Variants in CGNL1 observed in about 807,000 individuals in gnomAD.
The protein encoded by CGNL1 is cingulin-like protein 1.
In CGNL1, 132 loss-of-function variants were observed where a neutral mutation model predicts 141.2. The ratio of observed to expected loss-of-function variants is 0.93; its 90% CI spans 0.81 to 1.08. The LOEUF (loss-of-function observed/expected upper bound fraction) is 1.08. Ranked by LOEUF, CGNL1 falls within the 50% of genes least tolerant of loss-of-function variation. CGNL1 has a pLI of 0.00. For synonymous variants in CGNL1, 690 were observed against 622.1 expected, an observed-to-expected ratio of 1.11 and a Z score of -1.63; for missense variants, 1,870 against 1,588.6, an observed-to-expected ratio of 1.18 and a Z score of -3.01.
intron 6 of CGNL1, among the ~76,000 whole-genome samples, 178 bp downstream of exon 6, chr15:57,452,467 A>G (rs1018267): frequency 0.014 from 2,075 of 152,326 alleles, 63 homozygotes; most frequent in African/African-American, 0.047. Flanking sequence ...GTAGACTGAT[A>G]AACAAAAAGG....
intron 1 of CGNL1, among the ~76,000 whole-genome samples, chr15:57,428,416 G>C (rs2063004253): frequency 6.6e-6 from 1 of 152,244 alleles, no homozygotes; most frequent in South Asian, 2.1e-4. Flanking sequence ...AAGAGGTGCT[G>C]TGAGGATCTC....
intron 1 of CGNL1, among the ~76,000 whole-genome samples, chr15:57,423,555 G>A (rs1409431367): frequency 6.6e-6 from 1 of 152,138 alleles, no homozygotes; most frequent in African/African-American, 2.4e-5. Context: ...TGACATCAAA[G>A]TTCTTGCTAA....
intron 9 of CGNL1, among the ~76,000 whole-genome samples, chr15:57,517,627 C>T (rs547537307): frequency 3.3e-5 from 5 of 152,306 alleles, no homozygotes; most frequent in South Asian, 2.1e-4. Flanking sequence ...CAGCCTCTAG[C>T]GAGGGCCGTC....
chr15:57,511,916 G>C (rs1313289134), intron 8 of CGNL1, among the ~76,000 whole-genome samples: 1 of 152,210 alleles, frequency 6.6e-6, no homozygotes, highest in African/African-American at 2.4e-5. Flanking sequence ...AAAACTGTGT[G>C]CTTTTTGGTT....
rs567870493 is a variant in CGNL1 at position 57,491,409 on chromosome 15, A to G, written c.2404-25371A>G. Among the ~76,000 whole-genome samples the G allele has an allele frequency of 3.3e-5, 5 of 152,296 alleles. No homozygotes were observed. In the South Asian group the frequency reaches 1.0e-3, roughly 32 times the overall value. ...CTGCTTTCTCCGTGGCACCAGTTGC[A>G]TCTCTGTTCTGCCACTGGCACTGCA... On this transcript the variant is annotated intron_variant, in intron 8 of 18. Transcript: ENST00000281282.
rs756905690 is a variant in CGNL1 at position 57,393,921 on chromosome 15, T to G, written c.-16+17354T>G. On this transcript the variant is annotated intron_variant, in intron 1 of 18. Coordinates refer to ENST00000281282, the MANE Select transcript of CGNL1 (RefSeq NM_032866.5). Reference sequence around the variant, plus strand: ...TTGATACTGTTCTAAGTACTTAACATGTATTAACTTTTTTTTTTTTTTTTT... The same window carrying G: ...TTGATACTGTTCTAAGTACTTAACAGGTATTAACTTTTTTTTTTTTTTTTT... The G allele has an allele frequency of 1.7e-4, 24 of 139,042 alleles. 1 individual carries two copies. The highest frequency in any genetic ancestry group is 6.3e-4 in the Admixed American group (8 of 12,760). 8.6% of individuals were successfully genotyped at this position (139,042 alleles called of 1,614,324 possible).
At position 57,453,782 on chromosome 15, in the gene CGNL1, G is replaced by T; in HGVS notation, c.2154G>T (p.Lys718Asn). 4 of 1,613,906 alleles carry T rather than the reference G, an allele frequency of 2.5e-6. No homozygotes were observed. The highest frequency in any genetic ancestry group is 3.4e-6 in the Non-Finnish European group (4 of 1,179,938). Reference protein sequence around the residue: ...SEMHDELDSAKRSEDREKGAL... With the variant: ...SEMHDELDSANRSEDREKGAL... ...TGCACGATGAACTGGACAGTGCAAAGCGATCGGAGGACAGGGAGAAGGGAG... is the reference window on the plus strand; with the variant it reads ...TGCACGATGAACTGGACAGTGCAAATCGATCGGAGGACAGGGAGAAGGGAG... Residue 718 changes from lysine (K) to asparagine (N), a missense_variant, in exon 7 of 19, where the codon AAG (lysine) becomes AAT (asparagine). Lys to Asn is a moderately conservative substitution (Grantham distance 94). Transcript: ENST00000281282.
chr15:57,454,646 G>T (rs1408846118), intron 7 of CGNL1, among the ~76,000 whole-genome samples: 1 of 152,102 alleles, frequency 6.6e-6, no homozygotes, highest in Non-Finnish European at 1.5e-5. Context: ...GGCAGAGGAG[G>T]GTGATTGCCT....
chr15:57,397,417 A>G (rs1320172406), intron 1 of CGNL1, among the ~76,000 whole-genome samples: 3 of 152,212 alleles, frequency 2.0e-5, no homozygotes, highest in Admixed American at 1.3e-4. Flanking sequence ...CTCCTGAACT[A>G]GGAAGCTCCT....
At chr15:57,519,866 C>A (rs1249106631) in intron 10 of CGNL1, among the ~76,000 whole-genome samples, 1 of 152,190 alleles carries the variant, frequency 6.6e-6, no homozygotes. Context: ...TCTCTCAGAA[C>A]CTTTCCTTTG....
intron 1 of CGNL1, among the ~76,000 whole-genome samples, chr15:57,429,586 A>G (rs779206031): frequency 3.9e-5 from 6 of 152,236 alleles, no homozygotes; most frequent in Non-Finnish European, 8.8e-5. Flanking sequence ...TATTCACCCA[A>G]CAAATATTTA....
chr15:57,474,016 T>C (rs2063619287), intron 8 of CGNL1, among the ~76,000 whole-genome samples: 1 of 149,190 alleles, frequency 6.7e-6, no homozygotes, highest in Non-Finnish European at 1.5e-5. Flanking sequence ...GTTCAAGCGA[T>C]TCTCCTGCCT....
chr15:57,447,231 A>T (rs1408839501), intron 4 of CGNL1, among the ~76,000 whole-genome samples: 2 of 152,182 alleles, frequency 1.3e-5, no homozygotes, highest in African/African-American at 4.8e-5. Flanking sequence ...CACATCTTTC[A>T]TTTAGATGTA....
Position 57,442,474 on chromosome 15 carries a change from A to G in CGNL1, c.1799A>G (p.Asn600Ser). ...SRAAGSAQGN[N>S]QACNSTSEVK... Reference sequence around the variant, plus strand: ...GCAGCTGGGAGCGCCCAAGGAAATAACCAAGTAAATGGAAGTTTTGTATTT... The same window carrying G: ...GCAGCTGGGAGCGCCCAAGGAAATAGCCAAGTAAATGGAAGTTTTGTATTT... The change falls in exon 4 of 19, where the codon AAC becomes AGC. Residue 600 changes from asparagine to serine, a missense_variant. Physicochemically the swap from Asn to Ser is conservative, Grantham distance 46 (BLOSUM62 1). Coordinates refer to ENST00000281282, the MANE Select transcript of CGNL1 (RefSeq NM_032866.5). 1.3e-6 allele frequency: 2 copies of G among 1,598,610 alleles called. No individual in the cohort carries two copies. Among genetic ancestry groups the G allele is most frequent in the Non-Finnish European group, 1.7e-6 (2 of 1,166,268 alleles).
intron 1 of CGNL1, among the ~76,000 whole-genome samples, chr15:57,390,365 C>G (rs570586967): frequency 1.3e-5 from 2 of 152,356 alleles, no homozygotes; most frequent in East Asian, 3.9e-4. Context: ...TGCTGGAAGC[C>G]TCTTAAAGCT....
intron 1 of CGNL1, among the ~76,000 whole-genome samples, chr15:57,414,091 G>GT (rs367733573): frequency 5.3e-5 from 8 of 152,316 alleles, no homozygotes; most frequent in African/African-American, 1.9e-4. Context: ...TCTGGCTGCT[G>GT]TTTTTTGTAA....
At chr15:57,451,665 C>A in intron 5 of CGNL1, 64 bp downstream of exon 5, 1 of 1,230,884 alleles carries the variant, frequency 8.1e-7, no homozygotes, top group Non-Finnish European at 1.2e-6. Context: ...GAATATTTTA[C>A]ATGCATTGGG....
At chr15:57,435,449 G>C (rs1219954159) in intron 1 of CGNL1, among the ~76,000 whole-genome samples, 1 of 149,998 alleles carries the variant, frequency 6.7e-6, no homozygotes, top group Non-Finnish European at 1.5e-5. Context: ...AGTGTGTTCA[G>C]GATCAGGGAA....
chr15:57,405,956 T>C (rs1342794696), intron 1 of CGNL1: 1 of 145,648 alleles, frequency 6.9e-6, no homozygotes, highest in African/African-American at 2.5e-5. Flanking sequence ...CTTTTATTCA[T>C]TTAATACAGA....
Sources: gnomAD v4.1 joint callset for allele counts (sites outside exome capture counted in the v4.1 genomes callset) on GRCh38, gnomAD v4.1.1 for gene constraint, MANE v1.5 for transcripts, NCBI Gene and HGNC (gene_info 2026-07-23, HGNC 2026-07-21) for gene names.